The following SGCZ variants were observed in gnomAD, a reference collection of about 807,000 sequenced individuals.
SGCZ encodes the protein zeta-sarcoglycan.
Under a neutral mutation model 41.3 loss-of-function variants are expected in SGCZ, and 40 were observed. The observed-to-expected ratio is 0.97, with a 90% CI of 0.75 to 1.26. SGCZ has a LOEUF of 1.26. SGCZ is among the 50% of genes most tolerant of loss of function. The pLI is 0.00. For synonymous variants in SGCZ, 206 were observed against 137.5 expected, an observed-to-expected ratio of 1.50 and a Z score of -3.49; for missense variants, 552 against 369.8, an observed-to-expected ratio of 1.49 and a Z score of -4.04.
At chr8:14,441,971 A>G (rs1038035996) in intron 2 of SGCZ, among the ~76,000 whole-genome samples, 2 of 152,176 alleles carry the variant, frequency 1.3e-5, no homozygotes, top group Non-Finnish European at 2.9e-5. Flanking sequence ...TAACCAGGCC[A>G]TTTCATATTC....
chr8:14,917,641 T>C (rs1327592795), intron 1 of SGCZ, among the ~76,000 whole-genome samples: 1 of 152,140 alleles, frequency 6.6e-6, no homozygotes, highest in African/African-American at 2.4e-5. Flanking sequence ...TGATCTATGT[T>C]AATAGATCAC....
At chr8:14,624,555 A>ATTATTATTTTTTTTTTTTTTTTTTTTTTT (rs1438250019) in intron 1 of SGCZ, among the ~76,000 whole-genome samples, 5 of 96,268 alleles carry the variant, frequency 5.2e-5, no homozygotes, top group Non-Finnish European at 7.9e-5. Context: ...TATTATTATT[A>ATTATTATTTTTTTTTTTTTTTTTTTTTTT]TTTTTTTTTT....
chr8:14,329,770 G>T (rs878929141), intron 2 of SGCZ, among the ~76,000 whole-genome samples: 1 of 152,082 alleles, frequency 6.6e-6, no homozygotes, highest in Admixed American at 6.5e-5. Flanking sequence ...TGAATTTCTA[G>T]ATTTGCTAAG....
chr8:15,090,102 G>T (rs1191426268), intron 1 of SGCZ, among the ~76,000 whole-genome samples: 1 of 152,126 alleles, frequency 6.6e-6, no homozygotes, highest in Non-Finnish European at 1.5e-5. Flanking sequence ...CTGACAAAGT[G>T]CCTTAAAAAT....
intron 1 of SGCZ, among the ~76,000 whole-genome samples, chr8:15,044,709 G>C (rs1325661431): frequency 6.6e-6 from 1 of 152,066 alleles, no homozygotes; most frequent in African/African-American, 2.4e-5. Flanking sequence ...AAGATGGAGG[G>C]TTAATTAGGA....
chr8:15,172,590 T>G (rs1799877657), intron 1 of SGCZ, among the ~76,000 whole-genome samples: 1 of 152,186 alleles, frequency 6.6e-6, no homozygotes, highest in East Asian at 1.9e-4. Context: ...TTTCCTTCAA[T>G]TTACATGGTC....
Position 14,444,590 on chromosome 8 carries a change from C to T in SGCZ, c.234+110142G>A, listed in dbSNP as rs928005727. On this transcript the variant is annotated intron_variant, in intron 2 of 7. Coordinates refer to ENST00000382080, the MANE Select transcript of SGCZ (RefSeq NM_139167.4). ...AAAAACCAAACACCACATATTCTCA[C>T]TCACAGGTGGGAATTGAAAAATGAG... Among the ~76,000 whole-genome samples the T allele has an allele frequency of 4.0e-5, 6 of 149,212 alleles. No homozygotes were observed. The East Asian group carries it at 8.0e-4, about 20-fold the overall frequency.
intron 1 of SGCZ, among the ~76,000 whole-genome samples, chr8:15,074,216 C>G (rs989892323): frequency 5.3e-5 from 8 of 152,110 alleles, no homozygotes; most frequent in Admixed American, 2.6e-4. Flanking sequence ...ATAAAAGGAG[C>G]CTAAACTTCT....
At chr8:14,537,708 T>C (rs112211869) in intron 2 of SGCZ, among the ~76,000 whole-genome samples, 2,075 of 152,016 alleles carry the variant, frequency 0.014, 18 homozygotes, top group South Asian at 0.025. Context: ...AGCTTTATCA[T>C]GCTCAACTGT....
intron 1 of SGCZ, among the ~76,000 whole-genome samples, chr8:15,193,580 A>G (rs1585659996): frequency 1.3e-5 from 2 of 152,136 alleles, no homozygotes; most frequent in South Asian, 4.1e-4. Flanking sequence ...AATGCCCACA[A>G]CCAAGAGATG....
intron 3 of SGCZ, among the ~76,000 whole-genome samples, chr8:14,289,412 C>T (rs1359400047): frequency 1.3e-5 from 2 of 152,028 alleles, no homozygotes; most frequent in East Asian, 1.9e-4. Flanking sequence ...AGTTGTTATA[C>T]TTAGGTCTTA....
At chr8:14,826,224 G>A (rs921199441) in intron 1 of SGCZ, among the ~76,000 whole-genome samples, 31 of 151,790 alleles carry the variant, frequency 2.0e-4, no homozygotes, top group Non-Finnish European at 3.4e-4. Flanking sequence ...GAGAATGATG[G>A]TTTCCAGCTT....
chr8:14,890,371 T>C (rs769324499), intron 1 of SGCZ, among the ~76,000 whole-genome samples: 3 of 152,142 alleles, frequency 2.0e-5, no homozygotes, highest in Non-Finnish European at 4.4e-5. Flanking sequence ...GGTAAGAAAG[T>C]GAAACAGCCT....
At chr8:15,183,925 C>A (rs564576118) in intron 1 of SGCZ, among the ~76,000 whole-genome samples, 93 of 152,040 alleles carry the variant, frequency 6.1e-4, no homozygotes, top group Non-Finnish European at 1.2e-3. Flanking sequence ...ACATACTGCA[C>A]AGAGTAATAA....
chr8:14,101,555 A>C (rs981651726), intron 7 of SGCZ, among the ~76,000 whole-genome samples: 1 of 152,228 alleles, frequency 6.6e-6, no homozygotes, highest in Non-Finnish European at 1.5e-5. Flanking sequence ...AAAATAAATG[A>C]TGTCTGCAGG....
At chr8:14,707,679 G>A (rs1320633791) in intron 1 of SGCZ, among the ~76,000 whole-genome samples, 3 of 151,980 alleles carry the variant, frequency 2.0e-5, no homozygotes, top group Admixed American at 2.0e-4. Context: ...TAAAACTCTA[G>A]CCATTACACA....
At chr8:15,141,704 G>C (rs571141442) in intron 1 of SGCZ, among the ~76,000 whole-genome samples, 7 of 152,064 alleles carry the variant, frequency 4.6e-5, no homozygotes, top group African/African-American at 1.4e-4. Flanking sequence ...GAGATCAAGA[G>C]CATCCTGGCT....
chr8:15,205,430 A>G (rs1801027524), intron 1 of SGCZ, among the ~76,000 whole-genome samples: 1 of 152,180 alleles, frequency 6.6e-6, no homozygotes, highest in African/African-American at 2.4e-5. Context: ...ACCCTATTAA[A>G]AAGTGGGCAA....
chr8:14,858,773 G>A (rs1169643826), intron 1 of SGCZ, among the ~76,000 whole-genome samples: 1 of 152,078 alleles, frequency 6.6e-6, no homozygotes, highest in Admixed American at 6.6e-5. Context: ...TTTCTAAGTA[G>A]TGACACATTT....
Sources: allele counts gnomAD v4.1 joint callset (sites outside exome capture counted in the v4.1 genomes callset), GRCh38; gene constraint gnomAD v4.1.1; transcripts MANE v1.5; gene names NCBI Gene and HGNC (gene_info 2026-07-23, HGNC 2026-07-21).